Variants in GLIS1 observed in about 807,000 individuals in gnomAD.
GLIS1 encodes the protein zinc finger protein GLIS1.
In GLIS1, 24 loss-of-function variants were observed where a neutral mutation model predicts 63.8. That is an observed-to-expected ratio of 0.38 (90% CI 0.27 to 0.53). GLIS1 has a LOEUF of 0.53. Ranked by LOEUF, GLIS1 falls within the 20% of genes least tolerant of loss-of-function variation. The pLI is 0.85. For missense variants in GLIS1, 1,036 were observed against 1,074.1 expected (o/e 0.96, Z 0.50); for synonymous variants, 450 against 482.5 (o/e 0.93, Z 0.88).
At chr1:53,627,582 G>A (rs1300283077) in intron 2 of GLIS1, among the ~76,000 whole-genome samples, 2 of 152,180 alleles carry the variant, frequency 1.3e-5, no homozygotes, top group Non-Finnish European at 1.5e-5. Context: ...AATCCCTTTC[G>A]ACAGATTAAC....
intron 7 of GLIS1, among the ~76,000 whole-genome samples, chr1:53,518,162 C>A (rs539267913): frequency 1.8e-4 from 28 of 152,330 alleles, no homozygotes; most frequent in Admixed American, 7.2e-4. Context: ...CCTGCCTGGT[C>A]CTGCCCTCCC....
chr1:53,559,274 G>A (rs2100433052), intron 4 of GLIS1, among the ~76,000 whole-genome samples: 1 of 152,318 alleles, frequency 6.6e-6, no homozygotes, highest in Middle Eastern at 3.4e-3. Context: ...ACCTGGCAAA[G>A]AGTGGAAGGC....
At chr1:53,603,832 T>C (rs1223011804) in intron 2 of GLIS1, among the ~76,000 whole-genome samples, 1 of 152,212 alleles carries the variant, frequency 6.6e-6, no homozygotes, top group Non-Finnish European at 1.5e-5. Context: ...TGTGTTTACT[T>C]TTACAAGTTA....
chr1:53,712,568 T>C (rs903859915), intron 2 of GLIS1, among the ~76,000 whole-genome samples: 1 of 152,170 alleles, frequency 6.6e-6, no homozygotes, highest in Non-Finnish European at 1.5e-5. Context: ...TCCAAGTCCA[T>C]ATCCTTATCA....
rs566768871 is a variant in GLIS1, at chr1:53,539,421, A to C, written c.1321-9469T>G. On this transcript the variant is annotated intron_variant, in intron 4 of 10. Coordinates refer to ENST00000628545, the MANE Select transcript of GLIS1 (RefSeq NM_001367484.1). This position sits in a 1 kb window ranked among gnomAD's most constrained non-coding sequence, Gnocchi z 5.0. ...TCCACAGCACATGAATGCACACCCC[A>C]CACACACACCATACCACACATCACA... Among the ~76,000 whole-genome samples the C allele has an allele frequency of 9.3e-5, 14 of 150,954 alleles. No individual in the cohort carries two copies. The highest frequency in any genetic ancestry group is 2.1e-4 in the South Asian group (1 of 4,754).
At chr1:53,647,878 T>TA (rs898310195) in intron 2 of GLIS1, among the ~76,000 whole-genome samples, 7 of 151,680 alleles carry the variant, frequency 4.6e-5, no homozygotes, top group African/African-American at 1.7e-4. Context: ...ACAACTCAAT[T>TA]AAAAAAAACT....
chr1:53,718,881 C>T (rs1646725294), intron 2 of GLIS1, among the ~76,000 whole-genome samples: 1 of 152,136 alleles, frequency 6.6e-6, no homozygotes, highest in South Asian at 2.1e-4. Context: ...CAAACTTCTC[C>T]CCTCCCCTCA....
At chr1:53,547,660 C>T (rs955392959) in intron 4 of GLIS1, among the ~76,000 whole-genome samples, 3 of 152,230 alleles carry the variant, frequency 2.0e-5, no homozygotes, top group African/African-American at 4.8e-5. Context: ...CGAAGGCCAA[C>T]GCAGTGGGTT....
intron 9 of GLIS1, 41 bp downstream of exon 9, chr1:53,509,808 A>C: frequency 5.8e-6 from 7 of 1,197,258 alleles, no homozygotes; most frequent in African/African-American, 1.6e-5. Flanking sequence ...CTAAGTGGGA[A>C]TTGGGGGGTT....
chr1:53,506,868 G>A (rs1296654965), intron 10 of GLIS1, 92 bp from the exon 11 acceptor site: 1 of 1,289,210 alleles, frequency 7.8e-7, no homozygotes, highest in Non-Finnish European at 1.1e-6. Context: ...CGCCTGCCCA[G>A]GGTCATCCCC....
At chr1:53,734,161 C>G (rs1033131193) in intron 2 of GLIS1, 50 of 984,692 alleles carry the variant, frequency 5.1e-5, no homozygotes, top group South Asian at 3.8e-4. Flanking sequence ...TCGTGATCAA[C>G]CTCTTTTTTA....
At chr1:53,616,794 G>C (rs1172198636) in intron 2 of GLIS1, among the ~76,000 whole-genome samples, 1 of 152,148 alleles carries the variant, frequency 6.6e-6, no homozygotes, top group East Asian at 1.9e-4. Flanking sequence ...GCAGACAGGG[G>C]CAAGAGTTCC....
intron 4 of GLIS1, among the ~76,000 whole-genome samples, chr1:53,580,730 GA>G (rs1037965129): frequency 6.6e-6 from 1 of 151,956 alleles, no homozygotes; most frequent in Non-Finnish European, 1.5e-5. Context: ...GCATATGGAA[GA>G]GAACACGTGC....
chr1:53,636,260 G>A (rs1027766476), intron 2 of GLIS1, among the ~76,000 whole-genome samples: 1 of 152,104 alleles, frequency 6.6e-6, no homozygotes, highest in African/African-American at 2.4e-5. Context: ...ACCAAGTCAG[G>A]TATATCCAAG....
At chr1:53,698,240 A>G (rs1646487025) in intron 2 of GLIS1, among the ~76,000 whole-genome samples, 1 of 152,218 alleles carries the variant, frequency 6.6e-6, no homozygotes, top group Admixed American at 6.5e-5. Flanking sequence ...AGACAAATGC[A>G]ACAGGCAACA....
At chr1:53,645,343 GAC>G (rs1178192989) in intron 2 of GLIS1, among the ~76,000 whole-genome samples, 1 of 152,092 alleles carries the variant, frequency 6.6e-6, no homozygotes, top group African/African-American at 2.4e-5. Flanking sequence ...GTTACCAAAT[GAC>G]ACACTGTATA....
At chr1:53,707,506 C>G (rs371094826) in intron 2 of GLIS1, among the ~76,000 whole-genome samples, 1 of 151,928 alleles carries the variant, frequency 6.6e-6, no homozygotes, top group African/African-American at 2.4e-5. Flanking sequence ...AAAAATTAGC[C>G]GGGCATGGTG....
At position 53,707,931 on chromosome 1, in the gene GLIS1, G is replaced by C. The variant is rs973286187; in HGVS notation, c.259+29875C>G. On this transcript the variant is annotated intron_variant, in intron 2 of 10. Coordinates refer to ENST00000628545, the MANE Select transcript of GLIS1 (RefSeq NM_001367484.1). ...TAGTGTGTGCCCCACACACTAGGCTGGTGCTTTCAGACATGCAAAGCCATC... is the reference window on the plus strand; with the variant it reads ...TAGTGTGTGCCCCACACACTAGGCTCGTGCTTTCAGACATGCAAAGCCATC... Among the ~76,000 whole-genome samples the C allele has an allele frequency of 4.0e-5, 6 of 151,642 alleles. No homozygotes were observed. The East Asian group carries it at 1.2e-3, about 29-fold the overall frequency.
At chr1:53,589,923 A>C (rs572252156) in intron 4 of GLIS1, among the ~76,000 whole-genome samples, 2 of 152,350 alleles carry the variant, frequency 1.3e-5, no homozygotes, top group Admixed American at 6.5e-5. Flanking sequence ...GCAAGGACAG[A>C]GTGCCTGCCC....
Sources: allele counts gnomAD v4.1 joint callset (sites outside exome capture counted in the v4.1 genomes callset), GRCh38; gene constraint gnomAD v4.1.1; non-coding constraint Gnocchi (gnomAD v3.1); transcripts MANE v1.5; gene names NCBI Gene and HGNC (gene_info 2026-07-23, HGNC 2026-07-21).